The following DACH2 variants were observed in gnomAD, a reference collection of about 807,000 sequenced individuals.
The protein encoded by DACH2 is dachshund homolog 2.
In DACH2, 17 loss-of-function variants were observed where a neutral mutation model predicts 35.8. The ratio of observed to expected loss-of-function variants is 0.48; its 90% CI spans 0.33 to 0.71. The LOEUF (loss-of-function observed/expected upper bound fraction) is 0.71. DACH2 is among the 30% of genes least tolerant of loss of function. The pLI is 0.02. For missense variants in DACH2, 469 were observed against 472.7 expected (o/e 0.99, Z 0.07); for synonymous variants, 195 against 177.3 (o/e 1.10, Z -0.79).
chrX:86,485,774 C>T (rs181817443), intron 2 of DACH2, among the ~76,000 whole-genome samples: 1 of 111,409 alleles, frequency 9.0e-6, no homozygotes, highest in Admixed American at 9.6e-5. Context: ...AACTGTTTTT[C>T]CCACATATTT....
intron 3 of DACH2, among the ~76,000 whole-genome samples, chrX:86,525,393 C>T (rs1429102585): frequency 9.0e-6 from 1 of 111,320 alleles, no homozygotes; most frequent in Non-Finnish European, 1.9e-5. Context: ...TTTGCTCCTT[C>T]TTATAGTAGT....
chrX:86,297,531 A>T (rs1402771749), intron 1 of DACH2, among the ~76,000 whole-genome samples: 1 of 111,619 alleles, frequency 9.0e-6, no homozygotes, highest in Non-Finnish European at 1.9e-5. Flanking sequence ...GACAAGAGTA[A>T]TGACAAAAAG....
At chrX:86,545,348 C>T (rs1435502718) in intron 3 of DACH2, among the ~76,000 whole-genome samples, 1 of 111,012 alleles carries the variant, frequency 9.0e-6, no homozygotes, top group Non-Finnish European at 1.9e-5. Context: ...TGGAGCTGAA[C>T]ATTGAGTATA....
At chrX:86,341,928 A>T (rs1185599582) in intron 1 of DACH2, among the ~76,000 whole-genome samples, 1 of 112,040 alleles carries the variant, frequency 8.9e-6, no homozygotes, top group Non-Finnish European at 1.9e-5. Context: ...TGAATGGCTG[A>T]GGAGTTGCTT....
intron 1 of DACH2, among the ~76,000 whole-genome samples, chrX:86,295,408 C>A (rs4828140): frequency 9.0e-6 from 1 of 110,693 alleles, no homozygotes; most frequent in Non-Finnish European, 1.9e-5. Context: ...AGCTGTAGAC[C>A]GCAGCTGTTC....
At chrX:86,625,609 A>G (rs767554619) in intron 3 of DACH2, among the ~76,000 whole-genome samples, 1 of 111,170 alleles carries the variant, frequency 9.0e-6, no homozygotes, top group Non-Finnish European at 1.9e-5. Context: ...AGACATACCC[A>G]AGACTGGCTA....
At position 86,526,524 on chromosome X, in the gene DACH2, A is replaced by G. The variant is rs1215348257; in HGVS notation, c.640+12133A>G. Among the ~76,000 whole-genome samples, 3 of 108,871 alleles carry G rather than the reference A, an allele frequency of 2.8e-5. No individual in the cohort carries two copies. The Admixed American group carries it at 2.9e-4, about 10-fold the overall frequency. The allele number at this position is 108,871 out of a possible 115,157, so 94.5% of individuals were successfully genotyped here. A position where few individuals can be genotyped will look rare whatever the true frequency, so the allele number is the denominator to read the frequency against. On this transcript the variant is annotated intron_variant, in intron 3 of 11. Coordinates refer to ENST00000373125, the MANE Select transcript of DACH2 (RefSeq NM_053281.3). ...CATGTTTTGAACTAATTTTCAGTTT[A>G]TGTTCAATGTAGGAAAAATTCTGAG...
chrX:86,778,673 T>C (rs1812149075), intron 7 of DACH2, among the ~76,000 whole-genome samples: 1 of 111,368 alleles, frequency 9.0e-6, no homozygotes, highest in African/African-American at 3.3e-5. Flanking sequence ...TGCAGTGGCG[T>C]GATCTCAGCT....
At chrX:86,379,207 G>T (rs1185005937) in intron 2 of DACH2, among the ~76,000 whole-genome samples, 1 of 111,055 alleles carries the variant, frequency 9.0e-6, no homozygotes, top group Non-Finnish European at 1.9e-5. Flanking sequence ...TTTTACAAAT[G>T]GTTAAAATAA....
chrX:86,260,252 A>G (rs1350127795), intron 1 of DACH2, among the ~76,000 whole-genome samples: 1 of 110,663 alleles, frequency 9.0e-6, no homozygotes, highest in Non-Finnish European at 1.9e-5. Context: ...TTAAATGTCA[A>G]CAGCAGTTAT....
At chrX:86,426,526 C>A (rs1301628537) in intron 2 of DACH2, among the ~76,000 whole-genome samples, 1 of 111,773 alleles carries the variant, frequency 8.9e-6, no homozygotes, top group Non-Finnish European at 1.9e-5. Flanking sequence ...ATATTCTTAA[C>A]CCTAAACAAT....
At chrX:86,325,792 G>C (rs944224339) in intron 1 of DACH2, among the ~76,000 whole-genome samples, 1 of 111,990 alleles carries the variant, frequency 8.9e-6, no homozygotes, top group Non-Finnish European at 1.9e-5. Context: ...GGTGAACAGA[G>C]TTTTGCCTTA....
At chrX:86,336,105 G>T (rs60168101) in intron 1 of DACH2, among the ~76,000 whole-genome samples, 16,179 of 111,201 alleles carry the variant, frequency 0.15, 1,152 homozygotes, top group African/African-American at 0.26. Flanking sequence ...AAGCCAACTT[G>T]ATCATGGTGG....
intron 7 of DACH2, among the ~76,000 whole-genome samples, chrX:86,753,752 G>T (rs944100704): frequency 1.8e-4 from 20 of 110,837 alleles, no homozygotes; most frequent in African/African-American, 5.9e-4. Flanking sequence ...TAAAATACAG[G>T]TGCTTTTCTT....
chrX:86,291,038 G>C (rs1466028934), intron 1 of DACH2, among the ~76,000 whole-genome samples: 1 of 103,534 alleles, frequency 9.7e-6, no homozygotes, highest in African/African-American at 3.6e-5. Flanking sequence ...TCACGATATT[G>C]ATTCTTCCTA....
chrX:86,758,848 G>T (rs866121619), intron 7 of DACH2, among the ~76,000 whole-genome samples: 3 of 112,348 alleles, frequency 2.7e-5, no homozygotes, highest in African/African-American at 9.7e-5. Flanking sequence ...GGCATGAAAT[G>T]CATAATAATC....
At chrX:86,307,077 G>T (rs745485173) in intron 1 of DACH2, among the ~76,000 whole-genome samples, 1 of 111,913 alleles carries the variant, frequency 8.9e-6, no homozygotes, top group East Asian at 2.8e-4. Flanking sequence ...GGAGTTTAGT[G>T]ACTCTACACA....
chrX:86,810,507 T>A (rs1401476580), intron 7 of DACH2, among the ~76,000 whole-genome samples: 2 of 111,949 alleles, frequency 1.8e-5, no homozygotes, highest in Non-Finnish European at 3.8e-5. Flanking sequence ...ACTTTAAGAT[T>A]TATAAACATC....
chrX:86,238,551 A>G (rs2033101900), intron 1 of DACH2, among the ~76,000 whole-genome samples: 1 of 111,845 alleles, frequency 8.9e-6, no homozygotes, highest in Admixed American at 9.5e-5. Context: ...ATGTTCCAGC[A>G]TAAGTCATTG....
Sources: gnomAD v4.1 joint callset for allele counts (sites outside exome capture counted in the v4.1 genomes callset) on GRCh38, gnomAD v4.1.1 for gene constraint, MANE v1.5 for transcripts, NCBI Gene and HGNC (gene_info 2026-07-23, HGNC 2026-07-21) for gene names.